The following PCBP3 variants were observed in gnomAD, a reference collection of about 807,000 sequenced individuals.
The protein encoded by PCBP3 is poly(rC) binding protein 3.
PCBP3 carries 25 observed loss-of-function variants against 52.7 expected under a neutral mutation model. The observed-to-expected ratio is 0.47, with a 90% CI of 0.35 to 0.66. The LOEUF is 0.66. PCBP3 is among the 30% of genes least tolerant of loss of function. The pLI, the probability that PCBP3 is intolerant of heterozygous loss-of-function variation, is 0.01. For missense variants in PCBP3, 391 were observed against 490.3 expected (o/e 0.80, Z 1.91); for synonymous variants, 162 against 183.0 (o/e 0.89, Z 0.93).
At chr21:45,824,465 G>A (rs1413823880) in intron 4 of PCBP3, among the ~76,000 whole-genome samples, 1 of 152,240 alleles carries the variant, frequency 6.6e-6, no homozygotes, top group East Asian at 1.9e-4. Context: ...GGGGCAGACT[G>A]ACAACGCATT....
chr21:45,785,498 C>T (rs1223788173), intron 4 of PCBP3, among the ~76,000 whole-genome samples: 2 of 83,760 alleles, frequency 2.4e-5, no homozygotes, highest in Admixed American at 1.0e-4. Flanking sequence ...CCAGCCGCCC[C>T]GTCCGGGAGG....
intron 2 of PCBP3, among the ~76,000 whole-genome samples, chr21:45,695,618 C>G (rs761698139): frequency 9.9e-5 from 15 of 152,118 alleles, no homozygotes; most frequent in Non-Finnish European, 1.8e-4. Flanking sequence ...TTTACAGTGG[C>G]CTTTACCCTT....
At chr21:45,738,684 C>A (rs746849867) in intron 3 of PCBP3, among the ~76,000 whole-genome samples, 21 of 152,168 alleles carry the variant, frequency 1.4e-4, no homozygotes, top group Non-Finnish European at 2.1e-4. Context: ...GGATTGTCCT[C>A]ACCCCTTCCT....
chr21:45,759,089 A>T (rs915101310), intron 4 of PCBP3, among the ~76,000 whole-genome samples: 2 of 152,162 alleles, frequency 1.3e-5, no homozygotes, highest in Non-Finnish European at 2.9e-5. Context: ...GAATTTGTGC[A>T]TCTATATTCA....
rs977809170 is a variant in PCBP3, at chr21:45,664,117, C to G, written c.-278-4757C>G. 2.7e-5 allele frequency among the ~76,000 whole-genome samples: 4 copies of G among 147,430 alleles called. No homozygotes were observed. In the Admixed American group the frequency reaches 2.7e-4, roughly 10 times the overall value. The stretch of plus-strand genomic sequence containing the variant: ...CCCAAGGAGAGTAAATACACACACG[C>G]ATAAATCACACCTAGAAATAGCATA... On this transcript the variant is annotated intron_variant, in intron 1 of 17. Transcript: ENST00000681687.
chr21:45,866,364 G>A (rs3788211), intron 5 of PCBP3, among the ~76,000 whole-genome samples: 21,429 of 152,204 alleles, frequency 0.14, 1,685 homozygotes, highest in Middle Eastern at 0.28. Flanking sequence ...GGTTCTTATC[G>A]CAAGGAAATG....
intron 2 of PCBP3, among the ~76,000 whole-genome samples, chr21:45,680,383 G>C (rs1303809641): frequency 6.6e-6 from 1 of 152,050 alleles, no homozygotes; most frequent in Non-Finnish European, 1.5e-5. Context: ...AGATATATTT[G>C]TTTTAATTCT....
intron 4 of PCBP3, among the ~76,000 whole-genome samples, chr21:45,816,682 A>T (rs2092973278): frequency 1.3e-5 from 2 of 150,326 alleles, no homozygotes; most frequent in South Asian, 4.3e-4. Flanking sequence ...CTCTGCTGTG[A>T]TCACAGTGCC....
At chr21:45,849,875 G>T in intron 4 of PCBP3, 86 bp from the exon 5 acceptor site, 1 of 592,448 alleles carries the variant, frequency 1.7e-6, no homozygotes, top group Non-Finnish European at 3.1e-6. Context: ...TGTGTTGAAG[G>T]CAAGAGGCAG....
chr21:45,826,843 G>A (rs935319534), intron 4 of PCBP3, among the ~76,000 whole-genome samples: 2 of 152,150 alleles, frequency 1.3e-5, no homozygotes, highest in African/African-American at 4.8e-5. Context: ...CAGCCTAGCC[G>A]GACAGAACAA....
At chr21:45,893,984 C>G (rs11702025) in intron 5 of PCBP3, 1 of 985,160 alleles carries the variant, frequency 1.0e-6, no homozygotes, top group Non-Finnish European at 1.2e-6. Flanking sequence ...GAGGTGGCAG[C>G]AAGGCCAGGG....
intron 2 of PCBP3, chr21:45,732,875 T>TC (rs2145797059): frequency 6.6e-6 from 1 of 152,368 alleles, no homozygotes; most frequent in Non-Finnish European, 1.5e-5. Flanking sequence ...CAGGCTGGTC[T>TC]CAAACTCCTG....
At chr21:45,907,051 A>G (rs990244700) in intron 9 of PCBP3, among the ~76,000 whole-genome samples, 1 of 152,242 alleles carries the variant, frequency 6.6e-6, no homozygotes, top group African/African-American at 2.4e-5. Flanking sequence ...GCTGAAGGCC[A>G]GGCGGAGGCC....
intron 3 of PCBP3, among the ~76,000 whole-genome samples, chr21:45,752,177 C>CT (rs1007678291): frequency 2.0e-5 from 3 of 151,920 alleles, no homozygotes; most frequent in African/African-American, 7.3e-5. Flanking sequence ...ATTAGAAAGC[C>CT]TTTTTCTACA....
intron 9 of PCBP3, among the ~76,000 whole-genome samples, chr21:45,903,443 A>G (rs998957933): frequency 6.6e-6 from 1 of 152,030 alleles, no homozygotes; most frequent in African/African-American, 2.4e-5. Flanking sequence ...CAGAAAGACC[A>G]TCAGCTGTCA....
rs1408979857 is a variant in PCBP3 at position 45,827,748 on chromosome 21, T to A, written c.-125-22213T>A. ...GGGAAGTCCAAGGACTCACTCTTCA[T>A]GAGACCTCAATTAAAAGACCCAGAA... On this transcript the variant is annotated intron_variant, in intron 4 of 17. Transcript: ENST00000681687. The surrounding 1 kb of genome is among the most constrained non-coding windows in gnomAD (Gnocchi z 4.3). Among the ~76,000 whole-genome samples, 2 of 152,210 alleles carry A rather than the reference T, an allele frequency of 1.3e-5. No individual in the cohort carries two copies. The highest frequency in any genetic ancestry group is 1.9e-4 in the East Asian group (1 of 5,194).
intron 16 of PCBP3, among the ~76,000 whole-genome samples, chr21:45,936,358 TTCTTCTATCCCGGTTG>T (rs1328064856): frequency 6.6e-6 from 1 of 152,218 alleles, no homozygotes; most frequent in Non-Finnish European, 1.5e-5. Context: ...ACTCTAGGCC[TTCTTCTATCCCGGTTG>T]CTGGTCAGGC....
intron 4 of PCBP3, among the ~76,000 whole-genome samples, chr21:45,770,590 C>T (rs1217669240): frequency 6.6e-6 from 1 of 152,182 alleles, no homozygotes; most frequent in African/African-American, 2.4e-5. Flanking sequence ...GCCTTCTTCC[C>T]AGCGTGCATG....
Position 45,681,667 on chromosome 21 carries a change from T to A in PCBP3, c.-200+12715T>A, listed in dbSNP as rs75976867. 2.1e-3 allele frequency among the ~76,000 whole-genome samples: 314 copies of A among 152,340 alleles called. 1 individual carries two copies. The highest frequency in any genetic ancestry group is 7.3e-3 in the African/African-American group (302 of 41,574). On this transcript the variant is annotated intron_variant, in intron 2 of 17. Coordinates refer to ENST00000681687, the MANE Select transcript of PCBP3 (RefSeq NM_001384156.1). ...CCATTTTTTAATACTTTGCTAAGGA[T>A]ATTTTGCATCTATATTCATGAGGGA...
Sources: allele counts gnomAD v4.1 joint callset (sites outside exome capture counted in the v4.1 genomes callset), GRCh38; gene constraint gnomAD v4.1.1; non-coding constraint Gnocchi (gnomAD v3.1); transcripts MANE v1.5; gene names NCBI Gene and HGNC (gene_info 2026-07-23, HGNC 2026-07-21).